PALM2AKAP2: variants seen among roughly 807,000 people sequenced by gnomAD.
PALM2AKAP2 encodes the protein PALM2 and AKAP2 fusion, also known as PALM2-AKAP2 fusion protein.
A neutral mutation model predicts 71.5 loss-of-function variants in PALM2AKAP2; 37 were observed. The ratio of observed to expected loss-of-function variants is 0.52; its 90% CI spans 0.40 to 0.68. The LOEUF (loss-of-function observed/expected upper bound fraction) is 0.68. Ranked by LOEUF, PALM2AKAP2 falls within the 30% of genes least tolerant of loss-of-function variation. The probability of loss-of-function intolerance (pLI) is 0.00; values close to 1 mark genes in which losing one functional copy is unlikely to be tolerated. For synonymous variants in PALM2AKAP2, 468 were observed against 478.8 expected (o/e 0.98, Z 0.29); for missense variants, 1,224 against 1,191.8 (o/e 1.03, Z -0.40).
intron 1 of PALM2AKAP2, among the ~76,000 whole-genome samples, chr9:110,113,452 T>C (rs1464429400): frequency 6.6e-6 from 1 of 152,050 alleles, no homozygotes; most frequent in African/African-American, 2.4e-5. Flanking sequence ...TTGACCAGGA[T>C]GGTCTCGATT....
intron 6 of PALM2AKAP2, chr9:109,942,967 A>T: frequency 4.3e-6 from 7 of 1,614,144 alleles, no homozygotes; most frequent in Non-Finnish European, 5.9e-6. Context: ...TGCAGATGGG[A>T]GCCTCAGCCA....
At position 109,943,649 on chromosome 9, in the gene PALM2AKAP2, C is replaced by T; in HGVS notation, c.496+11621C>T. 5.3e-6 allele frequency: 3 copies of T among 563,812 alleles called. No individual in the cohort carries two copies. In the South Asian group the frequency reaches 7.5e-5, roughly 14 times the overall value. 34.9% of individuals were successfully genotyped at this position (563,812 alleles called of 1,614,324 possible). ...CCAAGAACTTGCTTTTCCTCTAAAC[C>T]TTTCCTTGTGTCTTCAAGAGTGAAT... On this transcript the variant is annotated intron_variant, in intron 6 of 9. Transcript: ENST00000302798.
At chr9:110,058,511 A>C (rs1833893466) in intron 1 of PALM2AKAP2, among the ~76,000 whole-genome samples, 1 of 152,056 alleles carries the variant, frequency 6.6e-6, no homozygotes, top group Admixed American at 6.5e-5. Flanking sequence ...TTCCGTTCTC[A>C]AGCAGGATAT....
chr9:109,998,334 G>T (rs1832612704), intron 6 of PALM2AKAP2, among the ~76,000 whole-genome samples: 1 of 152,198 alleles, frequency 6.6e-6, no homozygotes, highest in African/African-American at 2.4e-5. Flanking sequence ...AACCCAAAAG[G>T]CCGGGCTCCA....
intron 1 of PALM2AKAP2, chr9:109,862,858 C>T (rs749747862): frequency 1.6e-5 from 8 of 503,558 alleles, no homozygotes; most frequent in Non-Finnish European, 3.2e-5. Context: ...TTAGAGGAAG[C>T]AATAAGAACA....
chr9:109,641,689 A>G (rs769954725), intron 1 of PALM2AKAP2, among the ~76,000 whole-genome samples: 2 of 152,104 alleles, frequency 1.3e-5, no homozygotes, highest in Non-Finnish European at 2.9e-5. Flanking sequence ...TTTTGGAGCC[A>G]GCTATTAGAT....
chr9:109,923,976 T>G, intron 4 of PALM2AKAP2, 127 bp downstream of exon 4: 1 of 996,290 alleles, frequency 1.0e-6, no homozygotes, highest in Middle Eastern at 2.2e-4. Flanking sequence ...CTCTATGAAA[T>G]GAGGGGCAGA....
At chr9:110,137,301 T>C in exon 2 of PALM2AKAP2, 1 of 1,614,186 alleles carries the variant, frequency 6.2e-7, no homozygotes, top group Non-Finnish European at 8.5e-7. Context: ...ATCAAGCCTT[T>C]CTACAGGCCT....
chr9:109,870,602 G>C (rs539477342), intron 2 of PALM2AKAP2, among the ~76,000 whole-genome samples: 2 of 152,230 alleles, frequency 1.3e-5, no homozygotes, highest in Non-Finnish European at 2.9e-5. Context: ...ATGAGGTCAA[G>C]TGATTTGCCC....
intron 1 of PALM2AKAP2, among the ~76,000 whole-genome samples, chr9:109,725,752 T>G (rs1382623793): frequency 1.3e-5 from 2 of 152,204 alleles, no homozygotes; most frequent in Non-Finnish European, 2.9e-5. Context: ...ATGTGTACAA[T>G]AATTCCAATT....
chr9:109,686,136 G>A (rs1000169950), intron 1 of PALM2AKAP2, among the ~76,000 whole-genome samples: 1 of 152,134 alleles, frequency 6.6e-6, no homozygotes, highest in Non-Finnish European at 1.5e-5. Context: ...AACCACATCT[G>A]CAGTTACTTC....
At chr9:109,908,066 C>G (rs1830488113) in intron 3 of PALM2AKAP2, among the ~76,000 whole-genome samples, 1 of 152,188 alleles carries the variant, frequency 6.6e-6, no homozygotes, top group South Asian at 2.1e-4. Context: ...AGAATGTTCC[C>G]TTTTAGAACT....
chr9:110,164,390 A>G (rs550985557), intron 3 of PALM2AKAP2, among the ~76,000 whole-genome samples: 3 of 152,352 alleles, frequency 2.0e-5, no homozygotes, highest in Non-Finnish European at 4.4e-5. Flanking sequence ...AAAGTTAAGC[A>G]ATTCACTTGA....
rs933403610 is a variant in PALM2AKAP2, at chr9:109,923,654, G to A, written c.258-81G>A. 27 of 1,429,286 alleles carry A rather than the reference G, an allele frequency of 1.9e-5. No homozygotes were observed. The Middle Eastern group carries it at 8.9e-4, about 47-fold the overall frequency. 88.5% of individuals were successfully genotyped at this position (1,429,286 alleles called of 1,614,324 possible). On this transcript the variant is annotated intron_variant, in intron 3 of 9. Transcript: ENST00000302798. ...AAAGGCTGCCAGGAAGGTACAAATC[G>A]CCCAACAGGAAGGAGCTGCTCTCTT...
chr9:109,828,050 G>A (rs1433787139), intron 1 of PALM2AKAP2, among the ~76,000 whole-genome samples: 5 of 152,130 alleles, frequency 3.3e-5, no homozygotes, highest in Non-Finnish European at 7.3e-5. Context: ...CTTTATATAT[G>A]TCACTTCCTT....
At chr9:109,935,708 G>GA (rs1831203840) in intron 6 of PALM2AKAP2, among the ~76,000 whole-genome samples, 1 of 152,082 alleles carries the variant, frequency 6.6e-6, no homozygotes, top group Non-Finnish European at 1.5e-5. Flanking sequence ...TCTCATTTTT[G>GA]AAAATCAGAC....
intron 1 of PALM2AKAP2, among the ~76,000 whole-genome samples, chr9:109,818,992 G>A (rs892479069): frequency 2.0e-5 from 3 of 152,122 alleles, no homozygotes; most frequent in African/African-American, 7.2e-5. Flanking sequence ...AGAATGACAC[G>A]AAGGCATCTT....
chr9:109,665,140 A>G (rs1827461443), intron 1 of PALM2AKAP2, among the ~76,000 whole-genome samples: 1 of 152,068 alleles, frequency 6.6e-6, no homozygotes, highest in Non-Finnish European at 1.5e-5. Flanking sequence ...CTCCTCCTTT[A>G]GCTCTGAGAA....
chr9:109,769,313 G>A (rs1829218078), intron 1 of PALM2AKAP2, among the ~76,000 whole-genome samples: 1 of 152,096 alleles, frequency 6.6e-6, no homozygotes, highest in Non-Finnish European at 1.5e-5. Flanking sequence ...TCAAGTTTAG[G>A]GTTTTATTGG....
Sources: gnomAD v4.1 joint callset for allele counts (sites outside exome capture counted in the v4.1 genomes callset) on GRCh38, gnomAD v4.1.1 for gene constraint, MANE v1.5 for transcripts, NCBI Gene and HGNC (gene_info 2026-07-23, HGNC 2026-07-21) for gene names.